Variants in HIVEP2 observed in about 807,000 individuals in gnomAD.
HIVEP2 encodes the protein HIVEP zinc finger 2, also known as transcription factor HIVEP2.
HIVEP2 carries 14 observed loss-of-function variants against 180.7 expected under a neutral mutation model. The observed-to-expected ratio is 0.08, with a 90% confidence interval of 0.05 to 0.12. HIVEP2 has a LOEUF of 0.12. Ranked by LOEUF, HIVEP2 falls within the 10% of genes least tolerant of loss-of-function variation. HIVEP2 has a pLI of 1.00. For synonymous variants in HIVEP2, 1,184 were observed against 1,136.4 expected (o/e 1.04, Z -0.84); for missense variants, 2,579 against 3,008.5 (o/e 0.86, Z 3.34).
chr6:142,820,059 G>A (rs548549009), intron 2 of HIVEP2, among the ~76,000 whole-genome samples: 1 of 152,224 alleles, frequency 6.6e-6, no homozygotes, highest in Admixed American at 6.5e-5. Context: ...TTCAGCTGCC[G>A]TTTTCCATTT....
intron 1 of HIVEP2, among the ~76,000 whole-genome samples, chr6:142,849,733 G>T (rs1302478320): frequency 6.6e-6 from 1 of 152,016 alleles, no homozygotes; most frequent in Non-Finnish European, 1.5e-5. Context: ...TGCCCAGGCT[G>T]GTCTCAAACT....
intron 4 of HIVEP2, among the ~76,000 whole-genome samples, chr6:142,775,818 A>G (rs1775683277): frequency 7.8e-6 from 1 of 128,870 alleles, no homozygotes; most frequent in South Asian, 2.5e-4. Context: ...CTGGCGACAG[A>G]GCGAGACTCC....
At chr6:142,796,687 C>A (rs2103602) in intron 2 of HIVEP2, among the ~76,000 whole-genome samples, 8 of 152,154 alleles carry the variant, frequency 5.3e-5, no homozygotes, top group Non-Finnish European at 1.0e-4. Context: ...GCACTTCTAG[C>A]ATTAGTAATG....
At chr6:142,820,665 AT>A (rs201138739) in intron 2 of HIVEP2, among the ~76,000 whole-genome samples, 64 of 150,810 alleles carry the variant, frequency 4.2e-4, no homozygotes, top group African/African-American at 1.4e-3. Flanking sequence ...CCCTTTTTCT[AT>A]TTTTTTTTCA....
chr6:142,942,437 G>A (rs904117579), intron 1 of HIVEP2, among the ~76,000 whole-genome samples: 2 of 152,162 alleles, frequency 1.3e-5, no homozygotes, highest in African/African-American at 2.4e-5. Context: ...CACAAGGAAC[G>A]TCTCCCTATA....
chr6:142,886,465 G>A (rs556995192), intron 1 of HIVEP2, among the ~76,000 whole-genome samples: 96 of 152,176 alleles, frequency 6.3e-4, no homozygotes, highest in African/African-American at 2.1e-3. Flanking sequence ...CTGGATTTTC[G>A]CACATTTTTA....
At chr6:142,789,848 A>C (rs922157729) in intron 2 of HIVEP2, among the ~76,000 whole-genome samples, 1 of 152,236 alleles carries the variant, frequency 6.6e-6, no homozygotes, top group Non-Finnish European at 1.5e-5. Flanking sequence ...AGAAAATAAC[A>C]GTAGTTAAGG....
intron 1 of HIVEP2, among the ~76,000 whole-genome samples, chr6:142,858,749 G>C (rs1271084894): frequency 6.6e-6 from 1 of 151,730 alleles, no homozygotes; most frequent in South Asian, 2.1e-4. Context: ...CCACCGCTAC[G>C]CCTGGCTGAT....
At chr6:142,902,875 C>T (rs151148577) in intron 1 of HIVEP2, among the ~76,000 whole-genome samples, 109 of 152,288 alleles carry the variant, frequency 7.2e-4, no homozygotes, top group African/African-American at 2.6e-3. Context: ...ACCACAGCAG[C>T]CCACAAGACG....
intron 1 of HIVEP2, among the ~76,000 whole-genome samples, chr6:142,911,203 A>G (rs1056574854): frequency 1.3e-5 from 2 of 151,954 alleles, no homozygotes; most frequent in Non-Finnish European, 2.9e-5. Context: ...AGCCCAGTGA[A>G]TAGAGGACAA....
At chr6:142,862,292 G>A (rs1374353296) in intron 1 of HIVEP2, among the ~76,000 whole-genome samples, 3 of 151,612 alleles carry the variant, frequency 2.0e-5, no homozygotes, top group Admixed American at 6.6e-5. Context: ...TAACTTGACA[G>A]TTTCATATTG....
At chr6:142,888,542 T>A (rs531543098) in intron 1 of HIVEP2, among the ~76,000 whole-genome samples, 1 of 152,342 alleles carries the variant, frequency 6.6e-6, no homozygotes, top group South Asian at 2.1e-4. Flanking sequence ...TTTCATGGGC[T>A]TATGCTCATT....
At chr6:142,802,384 G>A (rs1776435144) in intron 2 of HIVEP2, among the ~76,000 whole-genome samples, 1 of 152,102 alleles carries the variant, frequency 6.6e-6, no homozygotes. Context: ...CAGTCTAACT[G>A]TGAGTCCAGT....
chr6:142,853,814 G>A (rs1775750991), intron 1 of HIVEP2, among the ~76,000 whole-genome samples: 1 of 152,166 alleles, frequency 6.6e-6, no homozygotes, highest in Non-Finnish European at 1.5e-5. Flanking sequence ...TCCAGGCATT[G>A]GTAGCAGCAG....
chr6:142,935,665 T>C (rs1402979983), intron 1 of HIVEP2, among the ~76,000 whole-genome samples: 2 of 152,138 alleles, frequency 1.3e-5, no homozygotes, highest in African/African-American at 4.8e-5. Context: ...ATGGCCCCCA[T>C]CTTATAGTGT....
At chr6:142,871,644 A>G (rs948161300) in intron 1 of HIVEP2, among the ~76,000 whole-genome samples, 4 of 151,888 alleles carry the variant, frequency 2.6e-5, no homozygotes, top group African/African-American at 9.7e-5. Context: ...AAAAATACAT[A>G]AGTAGAAAAG....
At chr6:142,759,229 G>A (rs1033889875) in intron 9 of HIVEP2, among the ~76,000 whole-genome samples, 1 of 152,116 alleles carries the variant, frequency 6.6e-6, no homozygotes, top group Non-Finnish European at 1.5e-5. Context: ...CTTCAACCTG[G>A]GAGGCGGAGG....
At chr6:142,884,730 G>A (rs918423227) in intron 1 of HIVEP2, among the ~76,000 whole-genome samples, 2 of 152,134 alleles carry the variant, frequency 1.3e-5, no homozygotes, top group African/African-American at 4.8e-5. Flanking sequence ...GATGGACACC[G>A]TTATCCAAAA....
At chr6:142,821,438 C>T (rs1171236960) in intron 2 of HIVEP2, among the ~76,000 whole-genome samples, 1 of 152,194 alleles carries the variant, frequency 6.6e-6, no homozygotes, top group African/African-American at 2.4e-5. Context: ...AGAATACTTG[C>T]TTTCAGTCCC....
Sources: allele counts gnomAD v4.1 joint callset (sites outside exome capture counted in the v4.1 genomes callset), GRCh38; gene constraint gnomAD v4.1.1; transcripts MANE v1.5; gene names NCBI Gene and HGNC (gene_info 2026-07-23, HGNC 2026-07-21).